Variants in EVC2 observed in about 807,000 individuals in gnomAD.
EVC2 encodes EvC ciliary complex subunit 2.
EVC2 carries 148 observed loss-of-function variants against 149.3 expected under a neutral mutation model. That is an observed-to-expected ratio of 0.99 (90% CI 0.87 to 1.14). EVC2 has a LOEUF of 1.14. Ranked by LOEUF, EVC2 falls within the 50% of genes most tolerant of loss-of-function variation. The pLI is 0.00. For missense variants in EVC2, 1,854 were observed against 1,627.3 expected (o/e 1.14, Z -2.40); for synonymous variants, 776 against 649.9 (o/e 1.19, Z -2.95).
chr4:5,579,049 C>T (rs1355211853), intron 17 of EVC2, among the ~76,000 whole-genome samples: 2 of 152,118 alleles, frequency 1.3e-5, no homozygotes, highest in Non-Finnish European at 2.9e-5. Context: ...GGCTAAAATG[C>T]AGGATCTGAG....
At chr4:5,582,821 T>C (rs1278197614) in intron 17 of EVC2, among the ~76,000 whole-genome samples, 1 of 152,192 alleles carries the variant, frequency 6.6e-6, no homozygotes, top group Non-Finnish European at 1.5e-5. Flanking sequence ...GTTCTCGTGA[T>C]GGAGTTATTA....
chr4:5,682,718 G>T (rs1220760325), intron 6 of EVC2, among the ~76,000 whole-genome samples: 1 of 151,496 alleles, frequency 6.6e-6, no homozygotes, highest in Non-Finnish European at 1.5e-5. Context: ...AATTAGCCAG[G>T]TGTGGTGGTG....
Position 5,640,055 on chromosome 4 carries a change from A to G in EVC2, c.1470+459T>C, listed in dbSNP as rs1474554411. On this transcript the variant is annotated intron_variant, in intron 10 of 21. Coordinates refer to ENST00000344408, the MANE Select transcript of EVC2 (RefSeq NM_147127.5). This position sits in a 1 kb window ranked among gnomAD's most constrained non-coding sequence, Gnocchi z 4.6. ...AATGGGCAGATGGGTGGACGGGTAG[A>G]TGGAGGGGAAGCATGGGTGAATGGG... Among the ~76,000 whole-genome samples the G allele has an allele frequency of 1.3e-5, 2 of 152,054 alleles. No individual in the cohort carries two copies. Among genetic ancestry groups the G allele is most frequent in the Admixed American group, 6.6e-5 (1 of 15,254 alleles).
At chr4:5,577,199 T>C (rs1483518797) in intron 17 of EVC2, among the ~76,000 whole-genome samples, 1 of 152,344 alleles carries the variant, frequency 6.6e-6, no homozygotes, top group East Asian at 1.9e-4. Context: ...GATGTAACTA[T>C]TGAGTGGCAG....
chr4:5,690,748 C>T (rs1721068356), intron 4 of EVC2, among the ~76,000 whole-genome samples: 2 of 152,184 alleles, frequency 1.3e-5, no homozygotes, highest in South Asian at 4.1e-4. Context: ...CTGCGACATT[C>T]ACCTTTTTCC....
intron 16 of EVC2, among the ~76,000 whole-genome samples, chr4:5,587,405 T>C (rs1180271898): frequency 6.6e-6 from 1 of 152,260 alleles, no homozygotes; most frequent in Non-Finnish European, 1.5e-5. Flanking sequence ...GCATAATGTT[T>C]TCAAAGTTCA....
At chr4:5,692,557 C>T (rs1250035396) in intron 3 of EVC2, among the ~76,000 whole-genome samples, 4 of 152,148 alleles carry the variant, frequency 2.6e-5, no homozygotes, top group Non-Finnish European at 5.9e-5. Flanking sequence ...ACAGTGTAAC[C>T]CTCTCATTGT....
the EVC2 span, among the ~76,000 whole-genome samples, chr4:5,535,754 C>T: frequency 4.6e-5 from 7 of 152,162 alleles, no homozygotes; most frequent in Non-Finnish European, 1.0e-4. The surrounding 1 kb of genome is among the most constrained non-coding windows in gnomAD (Gnocchi z 4.7). Flanking sequence ...AAAATACCAT[C>T]GCATTAGGGG....
In EVC2 at chr4:5,706,445, G is replaced by GATACATAGATAGATACATACATACATAC. The variant is rs1577281809; in HGVS notation, c.228+1840_228+1841insGTATGTATGTATGTATCTATCTATGTAT. ...AGATAGATACATAGATAGATAGATAGATACATACATACATACATACATACA... is the reference window on the plus strand; with the variant it reads ...AGATAGATACATAGATAGATAGATAGATACATAGATAGATACATACATACATACATACATACATACATACATACATACA... On this transcript the variant is annotated intron_variant, in intron 1 of 21. Transcript: ENST00000344408. 4.3e-4 allele frequency among the ~76,000 whole-genome samples: 11 copies of GATACATAGATAGATACATACATACATAC among 25,764 alleles called. 3 individuals are homozygous for GATACATAGATAGATACATACATACATAC. Among genetic ancestry groups the GATACATAGATAGATACATACATACATAC allele is most frequent in the Non-Finnish European group, 7.4e-4 (10 of 13,516 alleles). 16.9% of individuals were successfully genotyped at this position (25,764 alleles called of 152,430 possible). A position where few individuals can be genotyped will look rare whatever the true frequency, so the allele number is the denominator to read the frequency against.
chr4:5,660,335 G>A (rs923238237), intron 9 of EVC2, among the ~76,000 whole-genome samples: 3 of 152,214 alleles, frequency 2.0e-5, no homozygotes, highest in East Asian at 1.9e-4. Context: ...CAAAACAGAG[G>A]AGAGTCCCTT....
chr4:5,625,340 AC>A lies in EVC2; in HGVS notation c.2046+408del. On this transcript the variant is annotated intron_variant, in intron 13 of 21. Coordinates refer to ENST00000344408, the MANE Select transcript of EVC2 (RefSeq NM_147127.5). The surrounding 1 kb of genome is among the most constrained non-coding windows in gnomAD (Gnocchi z 4.0). ...CACACACACACACACACACACACAC[AC>A]ACACACAAACCCAGTGGTATCTCCC... Among the ~76,000 whole-genome samples the A allele has an allele frequency of 6.7e-6, 1 of 148,882 alleles. No homozygotes were observed. The highest frequency in any genetic ancestry group is 2.6e-5 in the African/African-American group (1 of 38,686).
chr4:5,597,023 T>A (rs1331463696), intron 16 of EVC2, among the ~76,000 whole-genome samples: 4 of 152,102 alleles, frequency 2.6e-5, no homozygotes, highest in African/African-American at 7.2e-5. Flanking sequence ...AGGAAGAAGC[T>A]GAAATCTCGG....
chr4:5,549,845 G>T (rs116250197), intron 21 of EVC2, among the ~76,000 whole-genome samples: 3,966 of 152,276 alleles, frequency 0.026, 58 homozygotes, highest in Non-Finnish European at 0.038. Flanking sequence ...CCCACATGTT[G>T]TGGGAGGTAA....
chr4:5,618,617 T>C lies in EVC2; in HGVS notation c.2567A>G (p.His856Arg), dbSNP rs769458751. 5.0e-6 allele frequency: 8 copies of C among 1,613,244 alleles called. No homozygotes were observed. The highest frequency in any genetic ancestry group is 2.2e-5 in the East Asian group (1 of 44,866). The change falls in exon 15 of 22, where the codon CAT (histidine) becomes CGT (arginine). Residue 856 changes from histidine to arginine, a missense_variant. Transcript: ENST00000344408. This position sits in a 1 kb window ranked among gnomAD's most constrained non-coding sequence, Gnocchi z 4.4. The part of the protein sequence containing the change: ...EELLRMRQEV[H>R]GCFAQMDRSL... ...CCTGTCCATCTGAGCAAAGCAGCCA[T>C]GGACCTCCTGCCTCATCCTGAGCAG...
In EVC2 at chr4:5,677,024, C is replaced by A. The variant is rs1369131119; in HGVS notation, c.870+4236G>T. On this transcript the variant is annotated intron_variant, in intron 7 of 21. Coordinates refer to ENST00000344408, the MANE Select transcript of EVC2 (RefSeq NM_147127.5). The surrounding 1 kb of genome is among the most constrained non-coding windows in gnomAD (Gnocchi z 4.3). Reference sequence around the variant, plus strand: ...TGGGGCATGAGGCCCTGATGCAAAACATTCACTGTCAGCATCACAGAACAC... The same window carrying A: ...TGGGGCATGAGGCCCTGATGCAAAAAATTCACTGTCAGCATCACAGAACAC... 6.6e-6 allele frequency among the ~76,000 whole-genome samples: 1 copy of A among 152,166 alleles called. No individual in the cohort carries two copies. The highest frequency in any genetic ancestry group is 2.4e-5 in the African/African-American group (1 of 41,440).
At position 5,677,253 on chromosome 4, in the gene EVC2, GGTAA is replaced by G. The variant is rs1395689056; in HGVS notation, c.870+4003_870+4006del. 6.6e-6 allele frequency among the ~76,000 whole-genome samples: 1 copy of G among 151,890 alleles called. No homozygotes were observed. Among genetic ancestry groups the G allele is most frequent in the Non-Finnish European group, 1.5e-5 (1 of 68,022 alleles). ...AGTTGGGGAAACTGAGGCCCTCAGA[GGTAA>G]GTGACGTGCCCAAGCTCACATGCAA... On this transcript the variant is annotated intron_variant, in intron 7 of 21. Transcript: ENST00000344408. This position sits in a 1 kb window ranked among gnomAD's most constrained non-coding sequence, Gnocchi z 4.3.
rs1382533829 is a variant in EVC2 at position 5,622,168 on chromosome 4, G to T, written c.2501+369C>A. On this transcript the variant is annotated intron_variant, in intron 14 of 21. Transcript: ENST00000344408. The surrounding 1 kb of genome is among the most constrained non-coding windows in gnomAD (Gnocchi z 5.8). ...TGTGGATCATGTCCCCTCCCCAGGG[G>T]ACATTTCTTATTAGGGGAACCAGCA... 6.6e-6 allele frequency among the ~76,000 whole-genome samples: 1 copy of T among 152,050 alleles called. No homozygotes were observed. Among genetic ancestry groups the T allele is most frequent in the Non-Finnish European group, 1.5e-5 (1 of 67,996 alleles).
At chr4:5,604,778 CTATG>C (rs751344428) in intron 16 of EVC2, among the ~76,000 whole-genome samples, 67 of 152,058 alleles carry the variant, frequency 4.4e-4, no homozygotes, top group Non-Finnish European at 7.9e-4. Context: ...ATTATACATC[CTATG>C]TATGTAACAA....
intron 1 of EVC2, among the ~76,000 whole-genome samples, chr4:5,705,539 CA>C (rs1407785097): frequency 5.3e-5 from 6 of 112,484 alleles, no homozygotes; most frequent in Admixed American, 5.0e-4. Flanking sequence ...ACATAAATAG[CA>C]TTTTTTTTTG....
Sources: gnomAD v4.1 joint callset for allele counts (sites outside exome capture counted in the v4.1 genomes callset) on GRCh38, gnomAD v4.1.1 for gene constraint, Gnocchi (gnomAD v3.1) non-coding constraint, MANE v1.5 for transcripts, NCBI Gene and HGNC (gene_info 2026-07-23, HGNC 2026-07-21) for gene names.